The following RBMS1 variants were observed in gnomAD, a reference collection of about 807,000 sequenced individuals.
RBMS1 encodes the protein RNA binding motif single stranded interacting protein 1.
RBMS1 carries 17 observed loss-of-function variants against 62.3 expected under a neutral mutation model. The ratio of observed to expected loss-of-function variants is 0.27; its 90% CI spans 0.19 to 0.41. The LOEUF is 0.41. RBMS1 is among the 10% of genes least tolerant of loss of function. The pLI, the probability that RBMS1 is intolerant of heterozygous loss-of-function variation, is 1.00. For missense variants in RBMS1, 334 were observed against 504.5 expected (o/e 0.66, Z 3.24); for synonymous variants, 172 against 170.0 (o/e 1.01, Z -0.09).
chr2:160,280,691 C>T (rs1435002472), intron 10 of RBMS1, among the ~76,000 whole-genome samples: 1 of 152,122 alleles, frequency 6.6e-6, no homozygotes, highest in Non-Finnish European at 1.5e-5. Flanking sequence ...ACATCCTTAG[C>T]CTTATTGTAA....
At chr2:160,435,078 C>A (rs1683057814) in intron 1 of RBMS1, among the ~76,000 whole-genome samples, 1 of 152,138 alleles carries the variant, frequency 6.6e-6, no homozygotes, top group South Asian at 2.1e-4. Context: ...CAACTTTCTA[C>A]AGAATAAGTA....
rs553244813 is a variant in RBMS1 at position 160,406,437 on chromosome 2, C to T, written c.76-39046G>A. On this transcript the variant is annotated intron_variant, in intron 1 of 13. Coordinates refer to ENST00000348849, the MANE Select transcript of RBMS1 (RefSeq NM_016836.4). Reference sequence around the variant, plus strand: ...AGAGAGCCACGGTCTGCATGGAAGGCTACAGTTCGCTTGCATCCTTTTTGG... The same window carrying T: ...AGAGAGCCACGGTCTGCATGGAAGGTTACAGTTCGCTTGCATCCTTTTTGG... 2.6e-5 allele frequency among the ~76,000 whole-genome samples: 4 copies of T among 152,338 alleles called. No homozygotes were observed. In the South Asian group the frequency reaches 8.3e-4, roughly 32 times the overall value.
At chr2:160,379,824 A>C (rs1278965978) in intron 1 of RBMS1, among the ~76,000 whole-genome samples, 10 of 152,214 alleles carry the variant, frequency 6.6e-5, no homozygotes, top group Non-Finnish European at 1.5e-4. Context: ...CTAGTTATTG[A>C]AAATGTCAAA....
intron 1 of RBMS1, among the ~76,000 whole-genome samples, chr2:160,441,038 A>C (rs1559554394): frequency 6.6e-6 from 1 of 151,834 alleles, no homozygotes; most frequent in East Asian, 1.9e-4. Flanking sequence ...TTTCCTGTCA[A>C]CTCCCTCTCC....
At chr2:160,476,608 G>A (rs1364267026) in intron 1 of RBMS1, among the ~76,000 whole-genome samples, 3 of 141,498 alleles carry the variant, frequency 2.1e-5, no homozygotes, top group Non-Finnish European at 4.5e-5. Flanking sequence ...AGGCTGGAGT[G>A]CAGTGGCGGG....
At chr2:160,310,360 G>A (rs1452910834) in intron 4 of RBMS1, among the ~76,000 whole-genome samples, 2 of 152,132 alleles carry the variant, frequency 1.3e-5, no homozygotes, top group Non-Finnish European at 2.9e-5. Flanking sequence ...CAATATCCAA[G>A]ACACACATCC....
chr2:160,331,794 T>C (rs1417902423), intron 2 of RBMS1, among the ~76,000 whole-genome samples: 1 of 152,160 alleles, frequency 6.6e-6, no homozygotes, highest in Non-Finnish European at 1.5e-5. Flanking sequence ...AAGGAAAGAC[T>C]ATAAAGCAGG....
intron 1 of RBMS1, among the ~76,000 whole-genome samples, chr2:160,394,348 T>G (rs776022721): frequency 4.6e-5 from 7 of 152,180 alleles, no homozygotes; most frequent in Non-Finnish European, 1.0e-4. Context: ...AACCACAGAG[T>G]AAATTCTGCA....
At chr2:160,303,696 C>CTT (rs1244973109) in intron 4 of RBMS1, among the ~76,000 whole-genome samples, 1 of 152,196 alleles carries the variant, frequency 6.6e-6, no homozygotes, top group Non-Finnish European at 1.5e-5. Flanking sequence ...CCAAGCCCTT[C>CTT]TTAGCAGATC....
chr2:160,458,666 G>A (rs1178467136), intron 1 of RBMS1, among the ~76,000 whole-genome samples: 3 of 152,012 alleles, frequency 2.0e-5, no homozygotes, highest in South Asian at 2.1e-4. Flanking sequence ...GCGTGGTGGC[G>A]CATGCCAATA....
intron 1 of RBMS1, chr2:160,407,990 T>G: frequency 1.1e-6 from 1 of 890,278 alleles, no homozygotes; most frequent in Non-Finnish European, 1.3e-6. Context: ...GCCCGCCCGC[T>G]GGGCGCGGCG....
chr2:160,367,092 G>T, intron 2 of RBMS1, 124 bp downstream of exon 2: 2 of 936,688 alleles, frequency 2.1e-6, no homozygotes, highest in Non-Finnish European at 1.5e-6. Flanking sequence ...CCATTTTATT[G>T]TTGTGACACT....
chr2:160,419,606 C>T (rs1027614031), intron 1 of RBMS1, among the ~76,000 whole-genome samples: 28 of 152,174 alleles, frequency 1.8e-4, no homozygotes, highest in African/African-American at 6.3e-4. Context: ...TGAAAATGTC[C>T]GCAATTCAAG....
chr2:160,446,585 T>G (rs959098035), intron 1 of RBMS1, among the ~76,000 whole-genome samples: 1 of 152,158 alleles, frequency 6.6e-6, no homozygotes, highest in Admixed American at 6.5e-5. Context: ...CACATCAATA[T>G]CAATGGAAGG....
chr2:160,380,279 C>T (rs888689210), intron 1 of RBMS1, among the ~76,000 whole-genome samples: 1 of 152,096 alleles, frequency 6.6e-6, no homozygotes, highest in Non-Finnish European at 1.5e-5. Flanking sequence ...TGCCCACCCC[C>T]ACCTAAGCCA....
chr2:160,493,173 G>A (rs1685925825), intron 1 of RBMS1, 116 bp downstream of exon 1: 10 of 1,030,412 alleles, frequency 9.7e-6, no homozygotes, highest in Non-Finnish European at 1.4e-5. Context: ...CAACCTTCCA[G>A]CAACTCCGCC....
chr2:160,309,839 T>G (rs963877729), intron 4 of RBMS1, among the ~76,000 whole-genome samples: 5 of 152,108 alleles, frequency 3.3e-5, no homozygotes, highest in Non-Finnish European at 5.9e-5. Flanking sequence ...AAACACAAGC[T>G]TTGGAAATAG....
chr2:160,389,509 C>T (rs1694745768), intron 1 of RBMS1, among the ~76,000 whole-genome samples: 1 of 151,822 alleles, frequency 6.6e-6, no homozygotes, highest in Admixed American at 6.6e-5. Flanking sequence ...ACCAGCCTAG[C>T]CAACATGGCA....
intron 4 of RBMS1, among the ~76,000 whole-genome samples, chr2:160,308,298 G>C (rs1027006663): frequency 3.9e-5 from 6 of 152,110 alleles, no homozygotes; most frequent in African/African-American, 1.4e-4. Flanking sequence ...AGGAAGCTGA[G>C]GGTGGAAGGA....
Sources: gnomAD v4.1 joint callset for allele counts (sites outside exome capture counted in the v4.1 genomes callset) on GRCh38, gnomAD v4.1.1 for gene constraint, MANE v1.5 for transcripts, NCBI Gene and HGNC (gene_info 2026-07-23, HGNC 2026-07-21) for gene names.